Variants in ADCK1 observed in about 807,000 individuals in gnomAD.
ADCK1 encodes the protein aarF domain containing kinase 1.
In ADCK1, 41 loss-of-function variants were observed where a neutral mutation model predicts 52.3. The observed-to-expected ratio is 0.78, with a 90% CI of 0.61 to 1.02. The LOEUF (loss-of-function observed/expected upper bound fraction) is 1.02. ADCK1 is among the 50% of genes least tolerant of loss of function. ADCK1 has a pLI of 0.00. For synonymous variants in ADCK1, 250 were observed against 274.6 expected (o/e 0.91, Z 0.89); for missense variants, 658 against 679.5 (o/e 0.97, Z 0.35).
rs576143697 is a variant in ADCK1, at chr14:77,859,360, A to T, written c.423+81A>T. 3 of 1,404,864 alleles carry T rather than the reference A, an allele frequency of 2.1e-6. 1 individual carries two copies. The East Asian group carries it at 7.4e-5, about 35-fold the overall frequency. The allele number at this position is 1,404,864 out of a possible 1,614,324, so 87.0% of individuals were successfully genotyped here. A position where few individuals can be genotyped will look rare whatever the true frequency, so the allele number is the denominator to read the frequency against. Reference sequence around the variant, plus strand: ...CGGCTGAATTCTTGCAGCCTCGACCAGGGTGCTGGGGATCCACCAGTGACA... The same window carrying T: ...CGGCTGAATTCTTGCAGCCTCGACCTGGGTGCTGGGGATCCACCAGTGACA... On this transcript the variant is annotated intron_variant, in intron 4 of 10. Transcript: ENST00000238561.
intron 3 of ADCK1, among the ~76,000 whole-genome samples, chr14:77,852,092 G>A (rs1201938403): frequency 1.3e-5 from 2 of 151,842 alleles, no homozygotes; most frequent in Non-Finnish European, 2.9e-5. Context: ...TCTGCCTCCC[G>A]GGTGCAAGTG....
intron 5 of ADCK1, among the ~76,000 whole-genome samples, chr14:77,891,079 A>T (rs1327803641): frequency 6.6e-6 from 1 of 151,916 alleles, no homozygotes; most frequent in Non-Finnish European, 1.5e-5. Context: ...GGGGAGGGAA[A>T]GTGGGCAGCA....
At chr14:77,850,951 G>A (rs2082272184) in intron 3 of ADCK1, among the ~76,000 whole-genome samples, 1 of 151,878 alleles carries the variant, frequency 6.6e-6, no homozygotes. Context: ...CACCACACCC[G>A]GCCCGATGTA....
intron 4 of ADCK1, among the ~76,000 whole-genome samples, chr14:77,865,716 T>C (rs574503504): frequency 6.3e-4 from 96 of 152,314 alleles, no homozygotes; most frequent in African/African-American, 2.2e-3. Context: ...GTATATTGGC[T>C]TTGTGGCCTT....
chr14:77,813,145 G>A (rs1594857009), intron 1 of ADCK1, among the ~76,000 whole-genome samples: 1 of 151,566 alleles, frequency 6.6e-6, no homozygotes, highest in Admixed American at 6.6e-5. Context: ...TGGGATTATA[G>A]GCATGCGCCA....
At chr14:77,838,887 G>A (rs2082011626) in intron 3 of ADCK1, among the ~76,000 whole-genome samples, 1 of 152,176 alleles carries the variant, frequency 6.6e-6, no homozygotes, top group Non-Finnish European at 1.5e-5. Flanking sequence ...TGGGGTGCTG[G>A]GTGTACAATG....
intron 4 of ADCK1, among the ~76,000 whole-genome samples, chr14:77,864,226 A>G (rs1434757812): frequency 6.6e-6 from 1 of 152,178 alleles, no homozygotes; most frequent in South Asian, 2.1e-4. Context: ...CGGGTAGAAT[A>G]ATTCATATCC....
At chr14:77,926,327 T>C (rs924689115) in intron 9 of ADCK1, among the ~76,000 whole-genome samples, 2 of 152,150 alleles carry the variant, frequency 1.3e-5, no homozygotes, top group African/African-American at 4.8e-5. Context: ...TTAGGGACTA[T>C]CTCTTAAATA....
At chr14:77,813,133 G>C (rs913310801) in intron 1 of ADCK1, among the ~76,000 whole-genome samples, 3 of 151,370 alleles carry the variant, frequency 2.0e-5, no homozygotes, top group African/African-American at 7.3e-5. Flanking sequence ...CTCCTTAGTA[G>C]CTGGGATTAT....
rs114352400 is a variant in ADCK1 at position 77,905,823 on chromosome 14, C to T, written c.742-1980C>T. On this transcript the variant is annotated intron_variant, in intron 6 of 10. Transcript: ENST00000238561. ...AATGAGACCCTGTCTCTAAAGAAAC[C>T]GACAAAGCAACAATAGCAAACATGC... Among the ~76,000 whole-genome samples, 655 of 152,104 alleles carry T rather than the reference C, an allele frequency of 4.3e-3. 8 individuals carry two copies. The highest frequency in any genetic ancestry group is 0.014 in the African/African-American group (575 of 41,506).
At chr14:77,824,443 T>TG (rs1472929839) in intron 3 of ADCK1, among the ~76,000 whole-genome samples, 1 of 150,520 alleles carries the variant, frequency 6.6e-6, no homozygotes, top group East Asian at 1.9e-4. Flanking sequence ...TTTCTTTTTT[T>TG]TTTTTTTTGA....
intron 4 of ADCK1, among the ~76,000 whole-genome samples, chr14:77,884,094 G>T (rs2083093584): frequency 6.6e-6 from 1 of 152,230 alleles, no homozygotes; most frequent in Admixed American, 6.5e-5. Context: ...TGACTCTGCA[G>T]TGCCCCTGCA....
chr14:77,899,904 T>C (rs1455427854), intron 6 of ADCK1, among the ~76,000 whole-genome samples: 1 of 151,856 alleles, frequency 6.6e-6, no homozygotes, highest in Non-Finnish European at 1.5e-5. Context: ...ACCTCGTCTC[T>C]ACTAAAAATA....
intron 3 of ADCK1, among the ~76,000 whole-genome samples, chr14:77,842,441 A>AT (rs35911154): frequency 3.7e-4 from 29 of 78,336 alleles, no homozygotes; most frequent in East Asian, 2.3e-3. Flanking sequence ...CTTTCAGGGT[A>AT]TTTTTTTTTC....
At chr14:77,844,010 G>T (rs2082125845) in intron 3 of ADCK1, among the ~76,000 whole-genome samples, 1 of 152,110 alleles carries the variant, frequency 6.6e-6, no homozygotes, top group Non-Finnish European at 1.5e-5. Flanking sequence ...GCTCTGGCTG[G>T]AAAGAGACAG....
Position 77,924,558 on chromosome 14 carries a change from C to T in ADCK1, c.960C>T (p.Pro320=), listed in dbSNP as rs770821886. 21 of 1,613,860 alleles carry T rather than the reference C, an allele frequency of 1.3e-5. No individual in the cohort carries two copies. The highest frequency in any genetic ancestry group is 1.1e-4 in the South Asian group (10 of 91,092). The change falls in exon 8 of 11, where the codon CCC becomes CCT. Residue 320 remains proline, a synonymous_variant. Transcript: ENST00000238561. ...GCAATGTACTGGTGCGGAAGCACCC[C>T]GGCACGGGAAAGGCGGAGATTGTCC... ...HPGNVLVRKH[P]GTGKAEIVLL...
chr14:77,879,189 C>G (rs17106524), intron 4 of ADCK1, among the ~76,000 whole-genome samples: 4,839 of 152,274 alleles, frequency 0.032, 147 homozygotes, highest in South Asian at 0.12. Flanking sequence ...CAGGGGAAAT[C>G]TAACCTGAAT....
intron 3 of ADCK1, among the ~76,000 whole-genome samples, chr14:77,852,907 A>ATTTTTTTTTTTTTTTT (rs71303864): frequency 6.9e-5 from 2 of 28,956 alleles, no homozygotes; most frequent in African/African-American, 2.2e-4. Context: ...ATATATATAT[A>ATTTTTTTTTTTTTTTT]TTTTTTTTTT....
At chr14:77,850,361 A>G (rs1041483642) in intron 3 of ADCK1, among the ~76,000 whole-genome samples, 4 of 152,106 alleles carry the variant, frequency 2.6e-5, no homozygotes, top group African/African-American at 9.7e-5. Context: ...CTCATTTTCT[A>G]TCTATTTGTT....
Sources: allele counts gnomAD v4.1 joint callset (sites outside exome capture counted in the v4.1 genomes callset), GRCh38; gene constraint gnomAD v4.1.1; transcripts MANE v1.5; gene names NCBI Gene and HGNC (gene_info 2026-07-23, HGNC 2026-07-21).